The following ROBO2 variants were observed in gnomAD, a reference collection of about 807,000 sequenced individuals.
ROBO2 encodes the protein roundabout guidance receptor 2.
ROBO2 carries 53 observed loss-of-function variants against 160.8 expected under a neutral mutation model. That is an observed-to-expected ratio of 0.33 (90% CI 0.26 to 0.41). ROBO2 has a LOEUF of 0.41. Ranked by LOEUF, ROBO2 falls within the 10% of genes least tolerant of loss-of-function variation. The pLI is 1.00. For missense variants in ROBO2, 1,577 were observed against 1,722.4 expected (o/e 0.92, Z 1.49); for synonymous variants, 664 against 611.7 (o/e 1.09, Z -1.26).
chr3:77,400,873 A>G (rs1286059070), intron 2 of ROBO2, among the ~76,000 whole-genome samples: 4 of 151,950 alleles, frequency 2.6e-5, no homozygotes, highest in African/African-American at 9.7e-5. Context: ...TTTAATTACA[A>G]TTCAATGTTT....
At chr3:76,856,318 A>G (rs1487731280) in intron 2 of ROBO2, among the ~76,000 whole-genome samples, 2 of 152,214 alleles carry the variant, frequency 1.3e-5, no homozygotes, top group African/African-American at 4.8e-5. Context: ...GTATATTTAC[A>G]TATGTATACA....
Position 76,571,666 on chromosome 3 carries a change from ATAAT to A in ROBO2, c.110-526341_110-526338del, listed in dbSNP as rs1306030993. Among the ~76,000 whole-genome samples, 19 of 152,168 alleles carry A rather than the reference ATAAT, an allele frequency of 1.2e-4. 1 individual carries two copies. The highest frequency in any genetic ancestry group is 2.6e-4 in the Admixed American group (4 of 15,280). On this transcript the variant is annotated intron_variant, in intron 2 of 26. Coordinates refer to the ROBO2 transcript ENST00000487694. Reference sequence around the variant, plus strand: ...GTCCCAAATTCATATTTAACATTACATAATTAATTAGCCAGGAAGTACTAAGACT... The same window carrying A: ...GTCCCAAATTCATATTTAACATTACATAATTAGCCAGGAAGTACTAAGACT...
intron 2 of ROBO2, among the ~76,000 whole-genome samples, chr3:76,398,422 A>G (rs2077603643): frequency 1.3e-5 from 2 of 151,954 alleles, no homozygotes; most frequent in Non-Finnish European, 2.9e-5. Flanking sequence ...ACATGTATAC[A>G]TATGTAACTA....
chr3:76,247,846 T>C (rs915685166), intron 2 of ROBO2, among the ~76,000 whole-genome samples: 2 of 151,812 alleles, frequency 1.3e-5, no homozygotes, highest in Non-Finnish European at 1.5e-5. Context: ...GAACAGACAC[T>C]TCTCAAAAGA....
intron 2 of ROBO2, among the ~76,000 whole-genome samples, chr3:76,041,962 T>TTG (rs984664931): frequency 2.7e-5 from 4 of 149,484 alleles, no homozygotes; most frequent in Non-Finnish European, 4.4e-5. Flanking sequence ...GCATGTGTGT[T>TTG]TGTGTGTGTG....
intron 2 of ROBO2, among the ~76,000 whole-genome samples, chr3:76,835,152 T>C (rs2067571061): frequency 6.6e-6 from 1 of 151,896 alleles, no homozygotes; most frequent in Non-Finnish European, 1.5e-5. Context: ...AAACTGTTCA[T>C]ATAATGTGTC....
intron 2 of ROBO2, among the ~76,000 whole-genome samples, chr3:76,346,407 C>T (rs1224306843): frequency 2.0e-5 from 3 of 152,038 alleles, no homozygotes; most frequent in African/African-American, 7.2e-5. Context: ...CTAACATATT[C>T]CCTGTATTCA....
intron 2 of ROBO2, among the ~76,000 whole-genome samples, chr3:77,273,497 A>G (rs6784671): frequency 0.16 from 24,930 of 152,136 alleles, 2,538 homozygotes; most frequent in African/African-American, 0.29. Flanking sequence ...TAGCCGTTTT[A>G]TTTAGCTGGT....
intron 2 of ROBO2, among the ~76,000 whole-genome samples, chr3:77,411,853 A>G (rs2076831106): frequency 6.6e-6 from 1 of 152,188 alleles, no homozygotes; most frequent in Admixed American, 6.5e-5. Context: ...TAATGTTTTT[A>G]TATCGTTAAG....
rs1057141743 is a variant in ROBO2, at chr3:76,839,576, G to A, written c.110-258438G>A. Among the ~76,000 whole-genome samples, 5 of 152,264 alleles carry A rather than the reference G, an allele frequency of 3.3e-5. No homozygotes were observed. The South Asian group carries it at 6.2e-4, about 19-fold the overall frequency. On this transcript the variant is annotated intron_variant, in intron 2 of 26. Transcript: ENST00000487694. ...GTCGAATTCATTATGCTAGTATTTTGTTGAGGATTATTGTATAAATGCTTA... is the reference window on the plus strand; with the variant it reads ...GTCGAATTCATTATGCTAGTATTTTATTGAGGATTATTGTATAAATGCTTA...
intron 8 of ROBO2, among the ~76,000 whole-genome samples, chr3:77,555,219 TA>T (rs2093068371): frequency 6.6e-6 from 1 of 152,004 alleles, no homozygotes; most frequent in Non-Finnish European, 1.5e-5. Context: ...CAGAATAGTG[TA>T]AACATAGCTT....
intron 2 of ROBO2, among the ~76,000 whole-genome samples, chr3:77,005,465 G>A (rs529730333): frequency 6.6e-6 from 1 of 152,142 alleles, no homozygotes; most frequent in Non-Finnish European, 1.5e-5. Context: ...ACAGATCATC[G>A]TTCAGTTCTA....
At chr3:77,037,245 AGAGCATTCTTTT>A (rs1284322519), upstream of ROBO2, among the ~76,000 whole-genome samples, 2 of 152,220 alleles carry the variant, frequency 1.3e-5, no homozygotes, top group Non-Finnish European at 2.9e-5. Flanking sequence ...AGACACTGAC[AGAGCATTCTTTT>A]AAAAAACCAG....
At chr3:76,115,184 G>T (rs1559562913) in intron 2 of ROBO2, among the ~76,000 whole-genome samples, 3 of 152,000 alleles carry the variant, frequency 2.0e-5, no homozygotes. Context: ...TGATACTAGT[G>T]GGGCAATTTT....
intron 2 of ROBO2, among the ~76,000 whole-genome samples, chr3:77,137,347 C>T (rs2076360662): frequency 6.6e-6 from 1 of 152,130 alleles, no homozygotes; most frequent in African/African-American, 2.4e-5. Flanking sequence ...CTGCCTCAGC[C>T]TCCTGAATAG....
intron 2 of ROBO2, among the ~76,000 whole-genome samples, chr3:76,479,568 G>T (rs1401819629): frequency 6.6e-6 from 1 of 152,150 alleles, no homozygotes; most frequent in Admixed American, 6.6e-5. Flanking sequence ...ACTTGTAAAA[G>T]AAATTGCCCC....
At chr3:76,221,481 G>T (rs570065483) in intron 2 of ROBO2, among the ~76,000 whole-genome samples, 1 of 152,192 alleles carries the variant, frequency 6.6e-6, no homozygotes, top group Admixed American at 6.5e-5. Flanking sequence ...GTAACTCAGG[G>T]TGATGGTGAG....
At chr3:76,206,691 C>T (rs1201384217) in intron 2 of ROBO2, among the ~76,000 whole-genome samples, 1 of 152,184 alleles carries the variant, frequency 6.6e-6, no homozygotes, top group East Asian at 1.9e-4. Flanking sequence ...GCTTTACTTT[C>T]ATTGGGCATT....
At chr3:76,112,210 CAT>C (rs1221510202) in intron 2 of ROBO2, among the ~76,000 whole-genome samples, 1 of 151,702 alleles carries the variant, frequency 6.6e-6, no homozygotes, top group Non-Finnish European at 1.5e-5. Context: ...CCTTTTTTTT[CAT>C]AGATTGGGCT....
Sources: allele counts gnomAD v4.1 joint callset (sites outside exome capture counted in the v4.1 genomes callset), GRCh38; gene constraint gnomAD v4.1.1; transcripts MANE v1.5; gene names NCBI Gene and HGNC (gene_info 2026-07-23, HGNC 2026-07-21).